The following RBPMS variants were observed in gnomAD, a reference collection of about 807,000 sequenced individuals.
The protein encoded by RBPMS is RNA-binding protein with multiple splicing.
RBPMS carries 7 observed loss-of-function variants against 26.8 expected under a neutral mutation model. The observed-to-expected ratio is 0.26, with a 90% CI of 0.15 to 0.49. RBPMS has a LOEUF of 0.49. Among genes scored for constraint, RBPMS ranks in the 20% least tolerant of loss-of-function variants. The pLI is 0.98. For synonymous variants in RBPMS, 96 were observed against 93.3 expected (o/e 1.03, Z -0.17); for missense variants, 186 against 250.0 (o/e 0.74, Z 1.73).
At chr8:30,483,804 C>G (rs1006466513) in intron 4 of RBPMS, among the ~76,000 whole-genome samples, 14 of 151,966 alleles carry the variant, frequency 9.2e-5, no homozygotes, top group African/African-American at 3.4e-4. Flanking sequence ...CTCTAATCTG[C>G]TTGCTTTCTC....
chr8:30,507,289 G>T (rs189257982), intron 5 of RBPMS, among the ~76,000 whole-genome samples: 1 of 152,316 alleles, frequency 6.6e-6, no homozygotes, highest in Admixed American at 6.5e-5. Context: ...TCTCTCAGCT[G>T]TAAAATAGGA....
At chr8:30,509,805 G>A (rs115559053) in intron 5 of RBPMS, among the ~76,000 whole-genome samples, 1,719 of 152,206 alleles carry the variant, frequency 0.011, 39 homozygotes, top group African/African-American at 0.038. Context: ...TGTTCTGAGG[G>A]CAAGACTTTC....
chr8:30,565,216 A>C (rs916300480), intron 7 of RBPMS: 1 of 152,154 alleles, frequency 6.6e-6, no homozygotes, highest in African/African-American at 2.4e-5. Context: ...TTCTTCCTTA[A>C]ATCTGAGGAG....
At chr8:30,479,274 A>G (rs1414775262) in intron 3 of RBPMS, 41 bp from the exon 4 acceptor site, 3 of 1,477,328 alleles carry the variant, frequency 2.0e-6, no homozygotes, top group Admixed American at 1.7e-5. Context: ...AGTAGACATC[A>G]TCTGATTTTT....
intron 7 of RBPMS, among the ~76,000 whole-genome samples, chr8:30,561,099 A>G (rs543015009): frequency 4.5e-4 from 68 of 152,278 alleles, no homozygotes; most frequent in African/African-American, 1.6e-3. Flanking sequence ...ACAATTCATG[A>G]TAGATAAAAT....
chr8:30,493,667 G>C (rs1038008405), intron 4 of RBPMS, among the ~76,000 whole-genome samples: 2 of 151,902 alleles, frequency 1.3e-5, no homozygotes, highest in Non-Finnish European at 2.9e-5. Context: ...TTCTTTAATG[G>C]GTAACTGACT....
At chr8:30,534,589 G>A (rs1824609715) in intron 5 of RBPMS, among the ~76,000 whole-genome samples, 1 of 152,210 alleles carries the variant, frequency 6.6e-6, no homozygotes, top group Non-Finnish European at 1.5e-5. Context: ...GCAGGAGAAG[G>A]CCATGGGTGA....
chr8:30,454,935 G>A (rs1476096064), intron 1 of RBPMS, among the ~76,000 whole-genome samples: 2 of 152,134 alleles, frequency 1.3e-5, no homozygotes, highest in Non-Finnish European at 2.9e-5. Context: ...CAATTCTCCT[G>A]CCTCAGCCTC....
rs140562714 is a variant in RBPMS at position 30,548,387 on chromosome 8, C to T, written c.528+3763C>T. 4.4e-3 allele frequency among the ~76,000 whole-genome samples: 669 copies of T among 152,304 alleles called. 20 individuals are homozygous for T. The highest frequency in any genetic ancestry group is 0.036 in the Admixed American group (557 of 15,298). On this transcript the variant is annotated intron_variant, in intron 6 of 8. Transcript: ENST00000397323. ...GAAACACACCATACACCCTGTACTT[C>T]AGGCAGAGTCACAGTGTGGGGCCAG...
At chr8:30,449,905 T>A (rs1814343525) in intron 1 of RBPMS, among the ~76,000 whole-genome samples, 1 of 152,262 alleles carries the variant, frequency 6.6e-6, no homozygotes, top group African/African-American at 2.4e-5. Context: ...ATAGTTAGAA[T>A]TTGGTTTCAA....
chr8:30,569,840 T>G (rs888415243), intron 8 of RBPMS, among the ~76,000 whole-genome samples: 1 of 152,132 alleles, frequency 6.6e-6, no homozygotes, highest in African/African-American at 2.4e-5. Context: ...GTAAGCATAC[T>G]TAAGCGGATG....
At chr8:30,504,208 G>A in intron 4 of RBPMS, 78 bp from the exon 5 acceptor site, 1 of 1,480,574 alleles carries the variant, frequency 6.8e-7, no homozygotes, top group East Asian at 2.3e-5. Context: ...AGGGTTTACT[G>A]GTGTGTTTAT....
intron 1 of RBPMS, among the ~76,000 whole-genome samples, chr8:30,435,396 G>C (rs1355265979): frequency 6.6e-6 from 1 of 152,198 alleles, no homozygotes; most frequent in South Asian, 2.1e-4. Context: ...TACACTACTT[G>C]TGGAGGTGCT....
intron 1 of RBPMS, among the ~76,000 whole-genome samples, chr8:30,448,710 G>GGA (rs1305276758): frequency 3.9e-5 from 6 of 152,292 alleles, no homozygotes; most frequent in African/African-American, 1.4e-4. Flanking sequence ...TCACTTTCTA[G>GGA]TTATGTTGAA....
At chr8:30,560,198 C>T (rs1021894095) in intron 7 of RBPMS, among the ~76,000 whole-genome samples, 75 of 152,178 alleles carry the variant, frequency 4.9e-4, no homozygotes, top group African/African-American at 1.7e-3. Context: ...GACCTGAAGT[C>T]TCGGTTGGTG....
At position 30,414,924 on chromosome 8, in the gene RBPMS, C is replaced by T. The variant is rs184213554; in HGVS notation, c.66+29766C>T. 6.6e-5 allele frequency among the ~76,000 whole-genome samples: 10 copies of T among 152,076 alleles called. No homozygotes were observed. In the South Asian group the frequency reaches 1.5e-3, roughly 22 times the overall value. On this transcript the variant is annotated intron_variant, in intron 1 of 8. Coordinates refer to ENST00000397323, the MANE Select transcript of RBPMS (RefSeq NM_001008710.3). ...CCCTACATTCTCCTTTTCCCCTTTC[C>T]TCCTGAATTTGGCTTGTAAATGATA...
chr8:30,551,418 A>G (rs1478678915), intron 6 of RBPMS, among the ~76,000 whole-genome samples: 1 of 152,200 alleles, frequency 6.6e-6, no homozygotes, highest in Admixed American at 6.5e-5. Context: ...AGACTTCCGT[A>G]GAAATCACAG....
chr8:30,507,411 A>G (rs1287873354), intron 5 of RBPMS, among the ~76,000 whole-genome samples: 1 of 152,216 alleles, frequency 6.6e-6, no homozygotes, highest in Non-Finnish European at 1.5e-5. Flanking sequence ...AAGTACAATC[A>G]TAATTTGTTA....
At chr8:30,556,177 C>T (rs1826889788) in intron 6 of RBPMS, 25 of 985,368 alleles carry the variant, frequency 2.5e-5, no homozygotes, top group South Asian at 4.7e-5. Context: ...TCTGTGTGTC[C>T]GCCACCCGCC....
Sources: gnomAD v4.1 joint callset for allele counts (sites outside exome capture counted in the v4.1 genomes callset) on GRCh38, gnomAD v4.1.1 for gene constraint, MANE v1.5 for transcripts, NCBI Gene and HGNC (gene_info 2026-07-23, HGNC 2026-07-21) for gene names.